PIP5K1B: variants seen among roughly 807,000 people sequenced by gnomAD.
PIP5K1B encodes phosphatidylinositol 4-phosphate 5-kinase type-1 beta.
Under a neutral mutation model 67.0 loss-of-function variants are expected in PIP5K1B, and 42 were observed. That is an observed-to-expected ratio of 0.63 (90% CI 0.49 to 0.81). The LOEUF (loss-of-function observed/expected upper bound fraction) is 0.81, where lower values mean the gene tolerates loss of function less well. Among genes scored for constraint, PIP5K1B ranks in the 30% least tolerant of loss-of-function variants. The pLI is 0.00. For missense variants in PIP5K1B, 459 were observed against 646.3 expected, an observed-to-expected ratio of 0.71 and a Z score of 3.14; for synonymous variants, 214 against 231.4, an observed-to-expected ratio of 0.92 and a Z score of 0.68.
intron 2 of PIP5K1B, among the ~76,000 whole-genome samples, chr9:68,774,525 T>C (rs138191695): frequency 1.3e-5 from 2 of 152,336 alleles, no homozygotes; most frequent in East Asian, 1.9e-4. Context: ...ATCAACAACA[T>C]TTTAAGATCT....
chr9:68,838,266 C>T (rs1821736656), intron 4 of PIP5K1B, among the ~76,000 whole-genome samples: 1 of 151,626 alleles, frequency 6.6e-6, no homozygotes, highest in Non-Finnish European at 1.5e-5. Flanking sequence ...TCATTTTTCT[C>T]CTTCTAACCA....
Position 68,888,961 on chromosome 9 carries a change from T to C in PIP5K1B, c.319-20T>C. ...GTACATCAAGTATATGTTTTAATGTTTATTCATTTACCCTTTTAGTATTCC... is the reference window on the plus strand; with the variant it reads ...GTACATCAAGTATATGTTTTAATGTCTATTCATTTACCCTTTTAGTATTCC... On this transcript the variant is annotated intron_variant, in intron 6 of 15. Coordinates refer to ENST00000265382, the MANE Select transcript of PIP5K1B (RefSeq NM_003558.4). The C allele has an allele frequency of 1.3e-6, 2 of 1,561,788 alleles. No homozygotes were observed. Among genetic ancestry groups the C allele is most frequent in the African/African-American group, 2.7e-5 (2 of 74,052 alleles).
chr9:68,895,476 G>C (rs1587631514), intron 8 of PIP5K1B, among the ~76,000 whole-genome samples: 1 of 152,206 alleles, frequency 6.6e-6, no homozygotes, highest in South Asian at 2.1e-4. Context: ...CACTTTCCAT[G>C]GGCCTGGACG....
At chr9:68,851,354 G>A (rs1822473075) in intron 4 of PIP5K1B, among the ~76,000 whole-genome samples, 1 of 152,222 alleles carries the variant, frequency 6.6e-6, no homozygotes, top group Non-Finnish European at 1.5e-5. Flanking sequence ...TGCCTAGTGT[G>A]TCAGAATAAC....
At chr9:68,884,665 T>TAAAAAAAAAAAA (rs71353087) in intron 6 of PIP5K1B, among the ~76,000 whole-genome samples, 50 of 133,406 alleles carry the variant, frequency 3.7e-4, no homozygotes, top group African/African-American at 1.2e-3. Flanking sequence ...ACCTTGTCTT[T>TAAAAAAAAAAAA]AAAAAAAAAA....
At chr9:68,855,394 T>A (rs540617150) in intron 4 of PIP5K1B, among the ~76,000 whole-genome samples, 1 of 152,326 alleles carries the variant, frequency 6.6e-6, no homozygotes, top group Admixed American at 6.5e-5. Flanking sequence ...TGCTAACAAC[T>A]CTCAAAATGA....
intron 2 of PIP5K1B, chr9:68,789,400 TGAAATGTGTCCA>T (rs1831829834): frequency 2.3e-6 from 1 of 433,968 alleles, no homozygotes; most frequent in Non-Finnish European, 4.5e-6. Flanking sequence ...AACATAGTCC[TGAAATGTGTCCA>T]CTACTCAGTG....
At chr9:68,932,904 C>T (rs1380697409) in intron 12 of PIP5K1B, among the ~76,000 whole-genome samples, 1 of 152,018 alleles carries the variant, frequency 6.6e-6, no homozygotes, top group Non-Finnish European at 1.5e-5. Flanking sequence ...AGTTCGAAAC[C>T]AGCCTGACCA....
At chr9:68,767,522 A>G (rs1830487664) in intron 2 of PIP5K1B, among the ~76,000 whole-genome samples, 1 of 146,850 alleles carries the variant, frequency 6.8e-6, no homozygotes, top group Non-Finnish European at 1.5e-5. Context: ...TGAACCTGGG[A>G]GGTGGAAGCT....
chr9:68,811,383 A>G (rs1833154512), intron 2 of PIP5K1B, among the ~76,000 whole-genome samples: 1 of 152,042 alleles, frequency 6.6e-6, no homozygotes, highest in African/African-American at 2.4e-5. Flanking sequence ...CAGGCTTCCT[A>G]TGGGCTCAGA....
At chr9:68,794,883 T>C (rs1309030170) in intron 2 of PIP5K1B, among the ~76,000 whole-genome samples, 1 of 152,196 alleles carries the variant, frequency 6.6e-6, no homozygotes, top group African/African-American at 2.4e-5. Context: ...TATTGTCAGG[T>C]TCCTTCTTGT....
At chr9:68,950,887 A>G (rs1828033526) in intron 14 of PIP5K1B, among the ~76,000 whole-genome samples, 1 of 152,120 alleles carries the variant, frequency 6.6e-6, no homozygotes, top group Non-Finnish European at 1.5e-5. Flanking sequence ...GAGGGAAGGA[A>G]TTTCACTGGG....
intron 1 of PIP5K1B, among the ~76,000 whole-genome samples, chr9:68,735,316 CTTTTTTTTTT>C (rs558810934): frequency 1.4e-3 from 42 of 29,810 alleles, no homozygotes; most frequent in Middle Eastern, 0.028. Flanking sequence ...CCCCTAGTGT[CTTTTTTTTTT>C]TTTTTTTTTT....
At chr9:68,819,116 T>C (rs767739737) in intron 3 of PIP5K1B, among the ~76,000 whole-genome samples, 1 of 152,208 alleles carries the variant, frequency 6.6e-6, no homozygotes, top group East Asian at 1.9e-4. Flanking sequence ...ACATTTACAA[T>C]GTTATGCAAC....
intron 9 of PIP5K1B, among the ~76,000 whole-genome samples, chr9:68,918,086 TA>T (rs1458172551): frequency 2.6e-4 from 37 of 143,008 alleles, no homozygotes; most frequent in South Asian, 1.2e-3. Flanking sequence ...TTTTATTGTT[TA>T]TTTATTTATT....
intron 1 of PIP5K1B, among the ~76,000 whole-genome samples, chr9:68,722,495 G>A (rs2132266018): frequency 6.6e-6 from 1 of 152,180 alleles, no homozygotes; most frequent in East Asian, 1.9e-4. Context: ...GATTACAGGT[G>A]TGAGCCACCG....
chr9:68,854,269 T>A (rs1822655513), intron 4 of PIP5K1B, among the ~76,000 whole-genome samples: 1 of 151,816 alleles, frequency 6.6e-6, no homozygotes, highest in South Asian at 2.1e-4. Context: ...TAACTGGGAC[T>A]ACAGGTGCCG....
chr9:68,979,303 C>G (rs1829779923), intron 14 of PIP5K1B, among the ~76,000 whole-genome samples: 1 of 152,170 alleles, frequency 6.6e-6, no homozygotes. Flanking sequence ...AGAGACCTCA[C>G]CTAACAGGGT....
chr9:68,773,746 C>A (rs1199072249), intron 2 of PIP5K1B, among the ~76,000 whole-genome samples: 2 of 152,166 alleles, frequency 1.3e-5, no homozygotes, highest in Non-Finnish European at 2.9e-5. Flanking sequence ...ATTTTCTAAT[C>A]TTTGCTGTTG....
Sources: allele counts gnomAD v4.1 joint callset (sites outside exome capture counted in the v4.1 genomes callset), GRCh38; gene constraint gnomAD v4.1.1; transcripts MANE v1.5; gene names NCBI Gene and HGNC (gene_info 2026-07-23, HGNC 2026-07-21).